Variants in AK8 observed in about 807,000 individuals in gnomAD.
AK8 encodes the protein ATP-AMP transphosphorylase 8.
AK8 carries 44 observed loss-of-function variants against 54.6 expected under a neutral mutation model. The ratio of observed to expected loss-of-function variants is 0.81; its 90% CI spans 0.63 to 1.04. The LOEUF is 1.04. Ranked by LOEUF, AK8 falls within the 50% of genes least tolerant of loss-of-function variation. The pLI is 0.00. For missense variants in AK8, 555 were observed against 613.6 expected, an observed-to-expected ratio of 0.90 and a Z score of 1.01; for synonymous variants, 239 against 245.6, an observed-to-expected ratio of 0.97 and a Z score of 0.25.
At chr9:132,757,327 C>T (rs944096290) in intron 11 of AK8, among the ~76,000 whole-genome samples, 3 of 152,200 alleles carry the variant, frequency 2.0e-5, no homozygotes, top group African/African-American at 7.2e-5. Context: ...GTGTCCAACC[C>T]GCTGGCCTCT....
At chr9:132,839,172 G>A (rs566331764) in intron 5 of AK8, among the ~76,000 whole-genome samples, 2 of 152,254 alleles carry the variant, frequency 1.3e-5, no homozygotes, top group East Asian at 3.9e-4. Flanking sequence ...TCGAACTCCT[G>A]ACCTCAAAAG....
At chr9:132,780,528 G>T (rs1839419651) in intron 11 of AK8, among the ~76,000 whole-genome samples, 1 of 152,224 alleles carries the variant, frequency 6.6e-6, no homozygotes, top group Non-Finnish European at 1.5e-5. Flanking sequence ...ACCTGTCACT[G>T]CCTTTCCAGG....
At chr9:132,741,547 C>T (rs943830600) in intron 11 of AK8, among the ~76,000 whole-genome samples, 3 of 152,210 alleles carry the variant, frequency 2.0e-5, no homozygotes, top group African/African-American at 7.2e-5. Flanking sequence ...AGGCCCCACT[C>T]AGATCCCCCT....
intron 11 of AK8, among the ~76,000 whole-genome samples, chr9:132,765,439 A>T (rs1450485981): frequency 6.6e-6 from 1 of 152,088 alleles, no homozygotes; most frequent in Non-Finnish European, 1.5e-5. Context: ...TCATCTTAAT[A>T]GATGCAGAAA....
intron 9 of AK8, among the ~76,000 whole-genome samples, chr9:132,816,173 G>A (rs1841317644): frequency 1.3e-5 from 2 of 152,020 alleles, no homozygotes; most frequent in Non-Finnish European, 2.9e-5. Context: ...GGCCAATATG[G>A]TGAAACTCCG....
At chr9:132,843,532 G>T (rs1842624161) in intron 5 of AK8, among the ~76,000 whole-genome samples, 1 of 152,166 alleles carries the variant, frequency 6.6e-6, no homozygotes, top group African/African-American at 2.4e-5. Flanking sequence ...TCTGGCAGCT[G>T]CCCACAAAGG....
At chr9:132,843,987 A>G (rs926317364) in intron 5 of AK8, among the ~76,000 whole-genome samples, 15 of 152,228 alleles carry the variant, frequency 9.9e-5, no homozygotes, top group Admixed American at 3.3e-4. Context: ...AGGGATTCTT[A>G]GCAATTTAAA....
chr9:132,855,063 C>T (rs79850649), intron 4 of AK8, 138 bp from the exon 5 acceptor site: 58,767 of 766,044 alleles, frequency 0.077, 2,756 homozygotes, highest in African/African-American at 0.15. Context: ...CTTCCTCCAC[C>T]CGCTGCACCC....
intron 5 of AK8, among the ~76,000 whole-genome samples, chr9:132,832,063 GAAAAAA>G (rs11284701): frequency 1.6e-4 from 2 of 12,410 alleles, no homozygotes; most frequent in Admixed American, 2.7e-3. Flanking sequence ...CCTTGTCTCT[GAAAAAA>G]AAAAAAAAAA....
intron 11 of AK8, among the ~76,000 whole-genome samples, chr9:132,753,114 T>G (rs1233488242): frequency 1.3e-5 from 2 of 152,212 alleles, no homozygotes; most frequent in Non-Finnish European, 2.9e-5. Context: ...GAGCTGATCA[T>G]TCTACACTGG....
chr9:132,864,272 T>G (rs1843503688), intron 3 of AK8, among the ~76,000 whole-genome samples: 1 of 152,208 alleles, frequency 6.6e-6, no homozygotes, highest in East Asian at 1.9e-4. Flanking sequence ...GGGAGAATAA[T>G]GGACTAAAAC....
At chr9:132,780,140 G>GAACAAA (rs1839396477) in intron 11 of AK8, among the ~76,000 whole-genome samples, 16 of 152,246 alleles carry the variant, frequency 1.1e-4, no homozygotes, top group Admixed American at 7.8e-4. Context: ...AAGTGGGAGG[G>GAACAAA]GCTGTTTCAC....
chr9:132,798,356 T>A (rs1275902153), intron 10 of AK8, among the ~76,000 whole-genome samples: 1 of 152,204 alleles, frequency 6.6e-6, no homozygotes. Context: ...CAGCCCCACA[T>A]GGTCTGACTG....
rs199614513 is a variant in AK8, at chr9:132,754,909, C to T, written c.1122-27375G>A. 3.9e-4 allele frequency among the ~76,000 whole-genome samples: 59 copies of T among 150,454 alleles called. 1 individual carries two copies. In the East Asian group the frequency reaches 0.011, roughly 28 times the overall value. On this transcript the variant is annotated intron_variant, in intron 11 of 12. Coordinates refer to ENST00000298545, the MANE Select transcript of AK8 (RefSeq NM_152572.3). Reference sequence around the variant, plus strand: ...CCACCTCCTGGATTCAAGCACTTTTCCTGCCTCAGCCTCCCAAGTACCTGG... The same window carrying T: ...CCACCTCCTGGATTCAAGCACTTTTTCTGCCTCAGCCTCCCAAGTACCTGG...
At chr9:132,726,010 A>G in intron 12 of AK8, 85 bp from the exon 13 acceptor site, 2 of 1,246,462 alleles carry the variant, frequency 1.6e-6, no homozygotes, top group South Asian at 2.7e-5. Context: ...CTGTGGACCA[A>G]TTTGGGGTGT....
chr9:132,756,757 T>C (rs1189660959), intron 11 of AK8, among the ~76,000 whole-genome samples: 1 of 152,084 alleles, frequency 6.6e-6, no homozygotes, highest in African/African-American at 2.4e-5. Flanking sequence ...TCACACCCTG[T>C]GAGCAGGTGC....
chr9:132,845,487 C>T (rs1453475885), intron 5 of AK8, among the ~76,000 whole-genome samples: 2 of 152,174 alleles, frequency 1.3e-5, no homozygotes, highest in South Asian at 2.1e-4. Context: ...AAGTTAAATG[C>T]ATATTTGAAA....
upstream of AK8, chr9:132,878,787 TC>T (rs1844279989): frequency 3.0e-6 from 3 of 985,088 alleles, no homozygotes; most frequent in African/African-American, 3.5e-5. This position sits in a 1 kb window ranked among gnomAD's most constrained non-coding sequence, Gnocchi z 4.7. Flanking sequence ...GGTAGACCCC[TC>T]CCAGCTCCCC....
In AK8 at chr9:132,860,856, T is replaced by TAA. The variant is rs1843357768; in HGVS notation, c.333+2808_333+2809insTT. Among the ~76,000 whole-genome samples the TAA allele has an allele frequency of 1.3e-5, 2 of 152,212 alleles. No individual in the cohort carries two copies. The highest frequency in any genetic ancestry group is 4.8e-5 in the African/African-American group (2 of 41,444). ...CTGCAGATTGTGGGGCAGAGTCTTA[T>TAA]GTTTACAGGAGGTCTTGCCATTGTC... On this transcript the variant is annotated intron_variant, in intron 4 of 12. Transcript: ENST00000298545. The surrounding 1 kb of genome is among the most constrained non-coding windows in gnomAD (Gnocchi z 4.4).
Sources: allele counts gnomAD v4.1 joint callset (sites outside exome capture counted in the v4.1 genomes callset), GRCh38; gene constraint gnomAD v4.1.1; non-coding constraint Gnocchi (gnomAD v3.1); transcripts MANE v1.5; gene names NCBI Gene and HGNC (gene_info 2026-07-23, HGNC 2026-07-21).